Variants in KCNMA1 observed in about 807,000 individuals in gnomAD.
The protein encoded by KCNMA1 is potassium calcium-activated channel subfamily M alpha 1.
In KCNMA1, 29 loss-of-function variants were observed where a neutral mutation model predicts 140.0. That is an observed-to-expected ratio of 0.21 (90% CI 0.15 to 0.28). The LOEUF (loss-of-function observed/expected upper bound fraction) is 0.28, where lower values mean the gene tolerates loss of function less well. Among genes scored for constraint, KCNMA1 ranks in the 10% least tolerant of loss-of-function variants. The probability of loss-of-function intolerance (pLI) is 1.00; values close to 1 mark genes in which losing one functional copy is unlikely to be tolerated. For missense variants in KCNMA1, 880 were observed against 1,602.2 expected (o/e 0.55, Z 7.70); for synonymous variants, 612 against 611.9 (o/e 1.00, Z 0.00).
chr10:77,126,716 C>CA (rs1491151314), intron 5 of KCNMA1, among the ~76,000 whole-genome samples: 293 of 15,584 alleles, frequency 0.019, 2 homozygotes, highest in African/African-American at 0.055. Context: ...TGGTGCCCCC[C>CA]ACCCCCCCAC....
intron 1 of KCNMA1, among the ~76,000 whole-genome samples, chr10:77,532,163 A>G (rs2057790795): frequency 6.6e-6 from 1 of 152,216 alleles, no homozygotes; most frequent in South Asian, 2.1e-4. Flanking sequence ...AAATGCACTG[A>G]ACTGTGCTTG....
At chr10:77,327,118 T>A (rs191265817) in intron 2 of KCNMA1, among the ~76,000 whole-genome samples, 1 of 151,968 alleles carries the variant, frequency 6.6e-6, no homozygotes, top group Admixed American at 6.6e-5. Context: ...TTCCCCCTCC[T>A]AGCAGTGGGT....
In KCNMA1 at chr10:77,609,246, T is replaced by C. The variant is rs532814123; in HGVS notation, c.378+28019A>G. 2.0e-5 allele frequency among the ~76,000 whole-genome samples: 3 copies of C among 152,342 alleles called. 1 individual carries two copies. The highest frequency in any genetic ancestry group is 7.2e-5 in the African/African-American group (3 of 41,586). On this transcript the variant is annotated intron_variant, in intron 1 of 27. Transcript: ENST00000286628. Reference sequence around the variant, plus strand: ...AAGAAATTGTGGTACATGTACACAGTGGAACACTATTCAGCCTTTAAAAAA... The same window carrying C: ...AAGAAATTGTGGTACATGTACACAGCGGAACACTATTCAGCCTTTAAAAAA...
chr10:76,878,123 G>A (rs992247104), intron 29 of KCNMA1, among the ~76,000 whole-genome samples: 3 of 152,158 alleles, frequency 2.0e-5, no homozygotes, highest in African/African-American at 4.8e-5. Context: ...GGACTCATAG[G>A]CACCATGGGC....
chr10:77,280,430 T>C (rs2068088193), intron 2 of KCNMA1, among the ~76,000 whole-genome samples: 1 of 152,174 alleles, frequency 6.6e-6, no homozygotes, highest in Non-Finnish European at 1.5e-5. Context: ...CCTGCCTTTG[T>C]GGAAAAAAAC....
intron 1 of KCNMA1, among the ~76,000 whole-genome samples, chr10:77,493,247 T>C (rs1004043094): frequency 6.6e-6 from 1 of 152,270 alleles, no homozygotes; most frequent in African/African-American, 2.4e-5. Flanking sequence ...CCTCTTCTTC[T>C]GACTTCTGAC....
intron 23 of KCNMA1, among the ~76,000 whole-genome samples, chr10:76,929,659 G>A (rs750924768): frequency 5.3e-5 from 8 of 152,194 alleles, no homozygotes; most frequent in Non-Finnish European, 5.9e-5. Context: ...CTAGGCTGGT[G>A]TTTCTCAACT....
intron 1 of KCNMA1, among the ~76,000 whole-genome samples, chr10:77,555,841 G>C (rs2064180290): frequency 7.4e-6 from 1 of 134,276 alleles, no homozygotes; most frequent in Non-Finnish European, 1.6e-5. Flanking sequence ...TAGTGCTAGA[G>C]AGGCCAGAAA....
intron 1 of KCNMA1, among the ~76,000 whole-genome samples, chr10:77,435,299 A>G (rs947062732): frequency 1.3e-5 from 2 of 152,266 alleles, no homozygotes; most frequent in Non-Finnish European, 2.9e-5. Context: ...TGGTATCACC[A>G]GTGAAGAAAT....
chr10:77,113,343 G>T (rs2097370699), intron 6 of KCNMA1, among the ~76,000 whole-genome samples: 1 of 152,172 alleles, frequency 6.6e-6, no homozygotes, highest in Admixed American at 6.5e-5. Flanking sequence ...CCCAGCTTCA[G>T]TCCCTTCTAA....
intron 23 of KCNMA1, among the ~76,000 whole-genome samples, chr10:76,917,237 A>G (rs2152462697): frequency 6.6e-6 from 1 of 152,350 alleles, no homozygotes; most frequent in Admixed American, 6.5e-5. Context: ...ACAAGTAAAC[A>G]CCTTAAATCG....
At chr10:77,382,959 C>CGTGTGTGTGTGTGTGTGT (rs57049025) in intron 2 of KCNMA1, among the ~76,000 whole-genome samples, 2 of 77,000 alleles carry the variant, frequency 2.6e-5, no homozygotes, top group Non-Finnish European at 5.3e-5. Context: ...CATATATATA[C>CGTGTGTGTGTGTGTGTGT]GTGTGTGTGT....
At chr10:77,021,338 G>A (rs147730353) in intron 16 of KCNMA1, among the ~76,000 whole-genome samples, 1 of 152,152 alleles carries the variant, frequency 6.6e-6, no homozygotes, top group South Asian at 2.1e-4. Context: ...ATGCCTCTAA[G>A]AGAGTTAAAG....
At chr10:77,168,669 T>A (rs891335166) in intron 5 of KCNMA1, among the ~76,000 whole-genome samples, 10 of 152,140 alleles carry the variant, frequency 6.6e-5, no homozygotes, top group Admixed American at 5.9e-4. Context: ...GCTATAATAA[T>A]AATAACAATA....
intron 1 of KCNMA1, among the ~76,000 whole-genome samples, chr10:77,416,643 G>A (rs2154480886): frequency 6.6e-6 from 1 of 152,280 alleles, no homozygotes; most frequent in Non-Finnish European, 1.5e-5. Flanking sequence ...CCACACGGAA[G>A]GGAACACGGT....
chr10:77,283,933 C>T (rs1029713545), intron 2 of KCNMA1, among the ~76,000 whole-genome samples: 7 of 152,172 alleles, frequency 4.6e-5, no homozygotes, highest in African/African-American at 1.7e-4. Flanking sequence ...CGCACTGGAG[C>T]TGGCATCTGA....
At chr10:77,337,961 T>A (rs2089735843) in intron 2 of KCNMA1, among the ~76,000 whole-genome samples, 1 of 152,166 alleles carries the variant, frequency 6.6e-6, no homozygotes, top group Non-Finnish European at 1.5e-5. Context: ...GGGGTTTCAG[T>A]ACAACCTATA....
chr10:76,883,961 G>A (rs2035730687), downstream of KCNMA1: 11 of 971,970 alleles, frequency 1.1e-5, no homozygotes, highest in Non-Finnish European at 1.3e-5. Flanking sequence ...TTTATCATTA[G>A]TCAAATATGG....
intron 2 of KCNMA1, among the ~76,000 whole-genome samples, chr10:77,375,409 C>A (rs2095026022): frequency 1.3e-5 from 2 of 152,188 alleles, no homozygotes; most frequent in South Asian, 4.1e-4. Context: ...TCTTCTTCAG[C>A]AAAACAGAGG....
Sources: allele counts gnomAD v4.1 joint callset (sites outside exome capture counted in the v4.1 genomes callset), GRCh38; gene constraint gnomAD v4.1.1; transcripts MANE v1.5; gene names NCBI Gene and HGNC (gene_info 2026-07-23, HGNC 2026-07-21).